The following ARHGEF10 variants were observed in gnomAD, a reference collection of about 807,000 sequenced individuals.
The protein encoded by ARHGEF10 is Rho guanine nucleotide exchange factor (GEF) 10.
Under a neutral mutation model 147.4 loss-of-function variants are expected in ARHGEF10, and 140 were observed. The observed-to-expected ratio is 0.95, with a 90% confidence interval of 0.83 to 1.09. ARHGEF10 has a LOEUF of 1.09. ARHGEF10 is among the 50% of genes least tolerant of loss of function. The pLI, the probability that ARHGEF10 is intolerant of heterozygous loss-of-function variation, is 0.00. For missense variants in ARHGEF10, 2,222 were observed against 1,752.7 expected (o/e 1.27, Z -4.78); for synonymous variants, 902 against 695.8 (o/e 1.30, Z -4.67).
rs556501102 is a variant in ARHGEF10 at position 1,937,385 on chromosome 8, A to T, written c.3222+3443A>T. Among the ~76,000 whole-genome samples, 20 of 152,264 alleles carry T rather than the reference A, an allele frequency of 1.3e-4. No individual in the cohort carries two copies. Among genetic ancestry groups the T allele is most frequent in the African/African-American group, 4.6e-4 (19 of 41,558 alleles). ...ATTTACAGAGGGAGCTCAGCCATAT[A>T]GTATACGGTGATCTTGGATCAGCCG... is the stretch of plus-strand genomic sequence containing the variant. On this transcript the variant is annotated intron_variant, in intron 26 of 28. Coordinates refer to ENST00000349830, the MANE Select transcript of ARHGEF10 (RefSeq NM_014629.4). The surrounding 1 kb of genome is among the most constrained non-coding windows in gnomAD (Gnocchi z 4.9).
chr8:1,848,624 A>C (rs984613688), intron 2 of ARHGEF10, among the ~76,000 whole-genome samples: 1 of 152,232 alleles, frequency 6.6e-6, no homozygotes, highest in African/African-American at 2.4e-5. Flanking sequence ...TACAGTTTAT[A>C]ATCTAAATTG....
intron 7 of ARHGEF10, 183 bp from the exon 8 acceptor site, chr8:1,876,388 G>A (rs1807704269): frequency 3.1e-6 from 2 of 655,642 alleles, no homozygotes; most frequent in Non-Finnish European, 2.7e-6. Context: ...GCCCTGCCCG[G>A]GTGGTGGAGG....
chr8:1,856,718 A>C (rs1364876572), intron 2 of ARHGEF10, among the ~76,000 whole-genome samples: 2 of 152,116 alleles, frequency 1.3e-5, no homozygotes, highest in Non-Finnish European at 2.9e-5. Context: ...TCCCTGGCCC[A>C]CGGGGGATTG....
intron 28 of ARHGEF10, among the ~76,000 whole-genome samples, chr8:1,953,492 C>T (rs1266543078): frequency 6.6e-6 from 1 of 152,250 alleles, no homozygotes; most frequent in African/African-American, 2.4e-5. Flanking sequence ...TTTCTGGACA[C>T]AGTCCCGTTA....
At chr8:1,850,590 TGGC>T (rs1241870807) in intron 2 of ARHGEF10, among the ~76,000 whole-genome samples, 1 of 146,630 alleles carries the variant, frequency 6.8e-6, no homozygotes, top group Non-Finnish European at 1.5e-5. Flanking sequence ...GGCCGGGTGC[TGGC>T]GGGTGGCTAG....
chr8:1,860,280 C>G lies in ARHGEF10; in HGVS notation c.481+96C>G, dbSNP rs1452028540. ...CCTGTGGTTCCCTCCTCTGCATGCC[C>G]CGGATGTGGCCTGTGGTTCCGTAGA... is the stretch of plus-strand genomic sequence containing the variant. On this transcript the variant is annotated intron_variant, in intron 4 of 28. Transcript: ENST00000349830. The G allele has an allele frequency of 4.0e-6, 6 of 1,516,552 alleles. No individual in the cohort carries two copies. The East Asian group carries it at 1.4e-4, about 35-fold the overall frequency. The allele number at this position is 1,516,552 out of a possible 1,614,324, so 93.9% of individuals were successfully genotyped here.
intron 7 of ARHGEF10, 60 bp downstream of exon 7, chr8:1,869,310 T>C (rs111896071): frequency 1.9e-5 from 28 of 1,440,218 alleles, no homozygotes; most frequent in African/African-American, 1.1e-4. Flanking sequence ...TCCCTCTGGA[T>C]GCCAAAGTGA....
At position 1,906,259 on chromosome 8, in the gene ARHGEF10, A is replaced by G. The variant is rs184750544; in HGVS notation, c.1967+543A>G. Among the ~76,000 whole-genome samples, 4 of 152,358 alleles carry G rather than the reference A, an allele frequency of 2.6e-5. No homozygotes were observed. The East Asian group carries it at 5.8e-4, about 22-fold the overall frequency. ...ACAGGTAGATGATAAGGGAACTGAT[A>G]TAAAGTTAACTATAACACTCCTGGT... On this transcript the variant is annotated intron_variant, in intron 17 of 28. Coordinates refer to ENST00000349830, the MANE Select transcript of ARHGEF10 (RefSeq NM_014629.4).
At chr8:1,858,230 C>T (rs1315037105) in intron 3 of ARHGEF10, 115 bp downstream of exon 3, 56 of 905,442 alleles carry the variant, frequency 6.2e-5, no homozygotes, top group African/African-American at 2.3e-4. Context: ...CCAGGTGAGT[C>T]CCCAGGTGGG....
intron 7 of ARHGEF10, among the ~76,000 whole-genome samples, chr8:1,873,262 T>C (rs1169720976): frequency 1.3e-5 from 2 of 152,216 alleles, no homozygotes; most frequent in African/African-American, 4.8e-5. Context: ...GCCTGGTGGC[T>C]GCAGGAGGGC....
chr8:1,833,492 C>G (rs1280462156), intron 1 of ARHGEF10, among the ~76,000 whole-genome samples: 1 of 152,060 alleles, frequency 6.6e-6, no homozygotes, highest in Non-Finnish European at 1.5e-5. Context: ...AGGCTACAGC[C>G]CGGGGCCTTC....
intron 27 of ARHGEF10, among the ~76,000 whole-genome samples, chr8:1,947,770 C>T (rs979792478): frequency 4.0e-5 from 6 of 150,446 alleles, no homozygotes; most frequent in Non-Finnish European, 7.4e-5. Context: ...TACCCCACCC[C>T]GCTGTCAGCT....
At position 1,893,556 on chromosome 8, in the gene ARHGEF10, A is replaced by G. The variant is rs974926429; in HGVS notation, c.1183-13A>G. ...AGCAGTTTTCTATCATTGTACTTCC[A>G]AATTTCCAACAGGTTGTAAGAAGAT... On this transcript the variant is annotated splice_polypyrimidine_tract_variant and intron_variant, in intron 11 of 28. Coordinates refer to ENST00000349830, the MANE Select transcript of ARHGEF10 (RefSeq NM_014629.4). The G allele has an allele frequency of 3.1e-6, 5 of 1,603,872 alleles. No homozygotes were observed. Among genetic ancestry groups the G allele is most frequent in the Non-Finnish European group, 4.3e-6 (5 of 1,170,832 alleles).
chr8:1,952,630 T>C, intron 27 of ARHGEF10, 75 bp from the exon 28 acceptor site: 1 of 1,589,966 alleles, frequency 6.3e-7, no homozygotes, highest in South Asian at 1.1e-5. Flanking sequence ...CTGTGGGGTT[T>C]CCAGCACCCC....
At chr8:1,931,430 C>T (rs1813135195) in intron 25 of ARHGEF10, among the ~76,000 whole-genome samples, 1 of 152,230 alleles carries the variant, frequency 6.6e-6, no homozygotes, top group Admixed American at 6.5e-5. Flanking sequence ...CTGTCCTGTC[C>T]ACTGTGGAGC....
At position 1,879,297 on chromosome 8, in the gene ARHGEF10, G is replaced by A. The variant is rs142660106; in HGVS notation, c.844-751G>A. 4.6e-3 allele frequency among the ~76,000 whole-genome samples: 699 copies of A among 152,208 alleles called. 5 individuals carry two copies. Among genetic ancestry groups the A allele is most frequent in the African/African-American group, 0.016 (652 of 41,522 alleles). On this transcript the variant is annotated intron_variant, in intron 8 of 28. Transcript: ENST00000349830. Reference sequence around the variant, plus strand: ...TCAGGTTGGAGACCCTTGAAAATCCGTGCTGCCATCCCCAAAATATGTCAC... The same window carrying A: ...TCAGGTTGGAGACCCTTGAAAATCCATGCTGCCATCCCCAAAATATGTCAC...
chr8:1,849,836 G>A (rs552179442), intron 2 of ARHGEF10, among the ~76,000 whole-genome samples: 123 of 92,142 alleles, frequency 1.3e-3, no homozygotes, highest in Non-Finnish European at 2.8e-3. Context: ...GCTGAGGAGG[G>A]CTTGGGCGGC....
At chr8:1,934,078 T>A in intron 26 of ARHGEF10, 136 bp downstream of exon 26, 1 of 1,184,604 alleles carries the variant, frequency 8.4e-7, no homozygotes, top group African/African-American at 1.5e-5. Context: ...CTCATGCCTG[T>A]AATGCCAACA....
At chr8:1,837,261 C>A (rs371630856) in intron 1 of ARHGEF10, among the ~76,000 whole-genome samples, 1 of 147,468 alleles carries the variant, frequency 6.8e-6, no homozygotes, top group Admixed American at 6.9e-5. Flanking sequence ...AGCCGCAGGA[C>A]GGTCGGGGGC....
Sources: gnomAD v4.1 joint callset for allele counts (sites outside exome capture counted in the v4.1 genomes callset) on GRCh38, gnomAD v4.1.1 for gene constraint, Gnocchi (gnomAD v3.1) non-coding constraint, MANE v1.5 for transcripts, NCBI Gene and HGNC (gene_info 2026-07-23, HGNC 2026-07-21) for gene names.